The following UBE3C variants were observed in gnomAD, a reference collection of about 807,000 sequenced individuals.
UBE3C encodes ubiquitin-protein ligase E3C.
A neutral mutation model predicts 129.4 loss-of-function variants in UBE3C; 42 were observed. The ratio of observed to expected loss-of-function variants is 0.32; its 90% CI spans 0.25 to 0.42. The LOEUF is 0.42. UBE3C is among the 10% of genes least tolerant of loss of function. The probability of loss-of-function intolerance (pLI) is 1.00; values close to 1 mark genes in which losing one functional copy is unlikely to be tolerated. For missense variants in UBE3C, 1,049 were observed against 1,319.1 expected (o/e 0.80, Z 3.17); for synonymous variants, 510 against 492.4 (o/e 1.04, Z -0.47).
chr7:157,235,869 C>CTAA (rs1190549025), intron 18 of UBE3C, among the ~76,000 whole-genome samples: 1 of 152,200 alleles, frequency 6.6e-6, no homozygotes, highest in East Asian at 1.9e-4. Context: ...TGCTAATGTG[C>CTAA]TAACCATTGC....
chr7:157,242,327 G>A (rs528860788), intron 18 of UBE3C, among the ~76,000 whole-genome samples: 157 of 152,288 alleles, frequency 1.0e-3, no homozygotes, highest in African/African-American at 3.7e-3. Flanking sequence ...TGATGGTAAC[G>A]AAATCTGTTA....
At chr7:157,164,586 A>G (rs1808163469) in intron 2 of UBE3C, 1 of 376,124 alleles carries the variant, frequency 2.7e-6, no homozygotes, top group Non-Finnish European at 5.3e-6. Context: ...ATATCTTGTG[A>G]TAGTTTCTTT....
At chr7:157,229,406 C>T (rs932375142) in intron 17 of UBE3C, among the ~76,000 whole-genome samples, 32 of 152,152 alleles carry the variant, frequency 2.1e-4, no homozygotes, top group African/African-American at 7.5e-4. Flanking sequence ...CCTCCACCTC[C>T]TGGGTTCAAG....
chr7:157,225,485 A>G lies in UBE3C; in HGVS notation c.2179A>G (p.Ile727Val). The G allele has an allele frequency of 1.2e-6, 2 of 1,603,976 alleles. No homozygotes were observed. Among genetic ancestry groups the G allele is most frequent in the Admixed American group, 1.8e-5 (1 of 56,302 alleles). Residue 727 changes from isoleucine (I) to valine (V), a missense_variant, in exon 17 of 23, where the codon ATA (isoleucine) becomes GTA (valine). Ile to Val is a conservative substitution (Grantham distance 29, BLOSUM62 3). Around this residue, in one of 4 missense-constraint regions of UBE3C, gnomAD observed 314 missense variants for 416.9 expected, o/e 0.75. Transcript: ENST00000348165. ...ATTTCTGGATGGAATTAATGTCACA[A>G]TAAGAAGAAATTACATTTATGAAGA... ...GPFLDGINVTIRRNYIYEDAY... is the reference protein window; with the variant it reads ...GPFLDGINVTVRRNYIYEDAY...
chr7:157,178,515 T>C (rs980302811), intron 5 of UBE3C, among the ~76,000 whole-genome samples, 175 bp from the exon 6 acceptor site: 6 of 152,226 alleles, frequency 3.9e-5, no homozygotes, highest in African/African-American at 1.4e-4. Flanking sequence ...AAAAACTGTC[T>C]GAATGACTGA....
rs1324161683 is a variant in UBE3C at position 157,161,176 on chromosome 7, G to A, written c.67-2634G>A. 2.0e-5 allele frequency among the ~76,000 whole-genome samples: 3 copies of A among 152,322 alleles called. No individual in the cohort carries two copies. In the East Asian group the frequency reaches 5.8e-4, roughly 29 times the overall value. On this transcript the variant is annotated intron_variant, in intron 1 of 22. Coordinates refer to ENST00000348165, the MANE Select transcript of UBE3C (RefSeq NM_014671.3). Reference sequence around the variant, plus strand: ...AGTTTGTAGATTAGTTAATGTTATTGTATCAGTGTTAATTTCCTGTGGATA... The same window carrying A: ...AGTTTGTAGATTAGTTAATGTTATTATATCAGTGTTAATTTCCTGTGGATA...
rs1408600696 is a variant in UBE3C, at chr7:157,167,544, C to CT, written c.121-1493dup. Among the ~76,000 whole-genome samples, 1,455 of 145,878 alleles carry CT rather than the reference C, an allele frequency of 1.0e-2. 19 individuals are homozygous for CT. Among genetic ancestry groups the CT allele is most frequent in the African/African-American group, 0.033 (1,330 of 39,964 alleles). On this transcript the variant is annotated intron_variant, in intron 2 of 22. Coordinates refer to ENST00000348165, the MANE Select transcript of UBE3C (RefSeq NM_014671.3). ...TAAAATGCCTCTCTCTCTCTCTTTT[C>CT]TTTTTTTTTTTGAGACGGAGTCTCA...
chr7:157,237,990 T>G (rs978988597), intron 18 of UBE3C, among the ~76,000 whole-genome samples: 1 of 151,994 alleles, frequency 6.6e-6, no homozygotes, highest in Non-Finnish European at 1.5e-5. Flanking sequence ...ATGTAGAGGC[T>G]GCAGTGAGCA....
chr7:157,222,995 A>G, intron 15 of UBE3C: 2 of 367,386 alleles, frequency 5.4e-6, no homozygotes, highest in South Asian at 2.8e-5. Flanking sequence ...GAGACGTGCT[A>G]GACAGCTGGA....
At chr7:157,206,382 C>A (rs1048950761) in intron 11 of UBE3C, among the ~76,000 whole-genome samples, 1 of 152,090 alleles carries the variant, frequency 6.6e-6, no homozygotes, top group Non-Finnish European at 1.5e-5. Flanking sequence ...CCTGCCTCAG[C>A]CTCCCAAGTA....
At chr7:157,179,067 CTT>C (rs1808600515) in intron 6 of UBE3C, among the ~76,000 whole-genome samples, 1 of 151,818 alleles carries the variant, frequency 6.6e-6, no homozygotes, top group Admixed American at 6.6e-5. Context: ...ATGCTACTCT[CTT>C]TGCCTTTTTC....
At chr7:157,237,395 T>G (rs1183474850) in intron 18 of UBE3C, among the ~76,000 whole-genome samples, 8 of 151,936 alleles carry the variant, frequency 5.3e-5, no homozygotes, top group Non-Finnish European at 1.0e-4. Flanking sequence ...GAGCCGAGAT[T>G]GCGCCACTGC....
chr7:157,256,962 T>TG lies in UBE3C; in HGVS notation c.3001dup (p.Glu1001GlyfsTer5). On this transcript the variant is annotated frameshift_variant, in exon 22 of 23. Coordinates refer to ENST00000348165, the MANE Select transcript of UBE3C (RefSeq NM_014671.3). LOFTEE classifies it high-confidence loss of function. The stretch of plus-strand genomic sequence containing the variant: ...GTTATTAAGGTCTTCTGGAGAGTTG[T>TG]GGAAGGGTTCACTGATGAAGAAAAG... 6.2e-7 allele frequency: 1 copy of TG among 1,614,206 alleles called. No individual in the cohort carries two copies. The highest frequency in any genetic ancestry group is 8.5e-7 in the Non-Finnish European group (1 of 1,180,028).
In UBE3C at chr7:157,223,231, T is replaced by A. The variant is rs766051266; in HGVS notation, c.2003-23T>A. ...CAGGGGAAAGTACAAGTGAACTAAT[T>A]AAGGTTTTAAAATGTGTTTTAGTGG... On this transcript the variant is annotated intron_variant, in intron 15 of 22. Coordinates refer to ENST00000348165, the MANE Select transcript of UBE3C (RefSeq NM_014671.3). 1.4e-5 allele frequency: 22 copies of A among 1,611,748 alleles called. No individual in the cohort carries two copies. The Admixed American group carries it at 3.5e-4, about 26-fold the overall frequency.
intron 10 of UBE3C, among the ~76,000 whole-genome samples, chr7:157,200,443 T>A (rs970427536): frequency 2.6e-5 from 4 of 152,212 alleles, no homozygotes; most frequent in Admixed American, 6.5e-5. Flanking sequence ...ATATGAGATT[T>A]TTTTATTGGA....
intron 11 of UBE3C, among the ~76,000 whole-genome samples, chr7:157,206,277 T>G (rs1809430640): frequency 6.6e-6 from 1 of 152,238 alleles, no homozygotes; most frequent in South Asian, 2.1e-4. Context: ...ATTTATTTTT[T>G]TTGGAAACGG....
At chr7:157,221,557 A>G (rs1795737236) in intron 15 of UBE3C, 1 of 152,380 alleles carries the variant, frequency 6.6e-6, no homozygotes, top group African/African-American at 2.4e-5. Flanking sequence ...CCTGACCAAC[A>G]TAGTGAAACC....
chr7:157,230,694 C>CAAA (rs748639288), intron 17 of UBE3C, among the ~76,000 whole-genome samples: 45 of 38,830 alleles, frequency 1.2e-3, no homozygotes, highest in African/African-American at 2.9e-3. Flanking sequence ...GACCCCGTCT[C>CAAA]AAAAAAAAAA....
In UBE3C at chr7:157,240,916, A is replaced by C. The variant is rs1796300673; in HGVS notation, c.2482-7452A>C. Among the ~76,000 whole-genome samples the C allele has an allele frequency of 2.0e-5, 3 of 152,210 alleles. No homozygotes were observed. The South Asian group carries it at 6.2e-4, about 32-fold the overall frequency. On this transcript the variant is annotated intron_variant, in intron 18 of 22. Transcript: ENST00000348165. ...CTGTGTGCTACAGATGTCACCAAAAATTATCACCAGAGTGTGTTGGACTCT... is the reference window on the plus strand; with the variant it reads ...CTGTGTGCTACAGATGTCACCAAAACTTATCACCAGAGTGTGTTGGACTCT...
Sources: gnomAD v4.1 joint callset for allele counts (sites outside exome capture counted in the v4.1 genomes callset) on GRCh38, gnomAD v4.1.1 for gene constraint, gnomAD v4.1.1 regional missense constraint, MANE v1.5 for transcripts, NCBI Gene and HGNC (gene_info 2026-07-23, HGNC 2026-07-21) for gene names.